Variants in LAMA2 observed in about 807,000 individuals in gnomAD.
The protein encoded by LAMA2 is laminin subunit alpha 2.
In LAMA2, 269 loss-of-function variants were observed where a neutral mutation model predicts 364.8. That is an observed-to-expected ratio of 0.74 (90% CI 0.67 to 0.82). LAMA2 has a LOEUF of 0.82. LAMA2 is among the 40% of genes least tolerant of loss of function. The probability of loss-of-function intolerance (pLI) is 0.00; values close to 1 mark genes in which losing one functional copy is unlikely to be tolerated. For missense variants in LAMA2, 3,807 were observed against 3,873.2 expected (o/e 0.98, Z 0.45); for synonymous variants, 1,379 against 1,370.6 (o/e 1.01, Z -0.14).
At chr6:128,911,807 TG>T (rs1457321633) in intron 1 of LAMA2, among the ~76,000 whole-genome samples, 3 of 152,224 alleles carry the variant, frequency 2.0e-5, no homozygotes, top group African/African-American at 7.2e-5. Context: ...AGGCCCTCAC[TG>T]TTTTTTTGCT....
At chr6:129,320,783 G>C in intron 28 of LAMA2, 128 bp downstream of exon 28, 1 of 697,542 alleles carries the variant, frequency 1.4e-6, no homozygotes, top group Non-Finnish European at 2.6e-6. Context: ...CTCACAGTGT[G>C]AGACACAGTG....
intron 42 of LAMA2, among the ~76,000 whole-genome samples, chr6:129,439,419 A>G (rs937513020): frequency 6.6e-6 from 1 of 152,094 alleles, no homozygotes; most frequent in African/African-American, 2.4e-5. Flanking sequence ...TTAGTGAAAT[A>G]GAATAAATCA....
chr6:128,960,832 C>G (rs1420793182), intron 1 of LAMA2, among the ~76,000 whole-genome samples: 6 of 151,530 alleles, frequency 4.0e-5, no homozygotes, highest in Non-Finnish European at 8.8e-5. Flanking sequence ...TTGTGCATGC[C>G]ATATGTTTTG....
chr6:129,226,764 A>AT (rs1281057983), intron 12 of LAMA2, among the ~76,000 whole-genome samples: 2 of 151,644 alleles, frequency 1.3e-5, no homozygotes, highest in Admixed American at 1.3e-4. Flanking sequence ...TGCCCTTAAC[A>AT]TTTTTTCCTT....
chr6:129,456,619 GA>G (rs1308716052), intron 48 of LAMA2, 125 bp downstream of exon 48: 1 of 907,214 alleles, frequency 1.1e-6, no homozygotes, highest in African/African-American at 1.6e-5. Context: ...TTGCATTTAT[GA>G]AAACATGAAT....
rs1554208701 is a variant in LAMA2, at chr6:129,059,779, AAT to A, written c.284-3_284-2del. ...TCCTTTCATATGATGCTGCTAACTC[AAT>A]AGAGAGACACCCGATTACAAATGCT... On this transcript the variant is annotated splice_polypyrimidine_tract_variant and splice_region_variant and intron_variant, in intron 2 of 64. Transcript: ENST00000421865. 1 of 1,551,652 alleles carries A rather than the reference AAT, an allele frequency of 6.4e-7. No homozygotes were observed. Among genetic ancestry groups the A allele is most frequent in the Admixed American group, 1.7e-5 (1 of 59,944 alleles).
intron 1 of LAMA2, among the ~76,000 whole-genome samples, chr6:128,987,925 AG>A (rs1447731518): frequency 6.6e-6 from 1 of 152,170 alleles, no homozygotes; most frequent in Non-Finnish European, 1.5e-5. Flanking sequence ...ACCAGGCTGG[AG>A]TGCAGTGGCG....
chr6:128,908,391 C>A (rs1407519361), intron 1 of LAMA2, among the ~76,000 whole-genome samples: 3 of 150,096 alleles, frequency 2.0e-5, no homozygotes, highest in South Asian at 2.1e-4. Context: ...GGAATTTATC[C>A]ATTTCTTCTA....
chr6:129,462,403 T>C (rs1379216433), intron 49 of LAMA2, among the ~76,000 whole-genome samples: 2 of 151,916 alleles, frequency 1.3e-5, no homozygotes, highest in African/African-American at 2.4e-5. Context: ...AGCCAAGCAC[T>C]CTATCTCGGA....
At chr6:129,510,717 C>T (rs1032745571) in intron 62 of LAMA2, among the ~76,000 whole-genome samples, 6 of 151,964 alleles carry the variant, frequency 3.9e-5, no homozygotes, top group Non-Finnish European at 7.4e-5. Flanking sequence ...TATCAGGAAA[C>T]GTTTCATGGA....
At chr6:129,288,368 A>G (rs1789432198) in intron 19 of LAMA2, among the ~76,000 whole-genome samples, 1 of 152,158 alleles carries the variant, frequency 6.6e-6, no homozygotes, top group Admixed American at 6.5e-5. Context: ...GAATTTGCAT[A>G]TTAGATAGAC....
chr6:129,222,465 T>C (rs1783923670), intron 12 of LAMA2, among the ~76,000 whole-genome samples: 1 of 151,074 alleles, frequency 6.6e-6, no homozygotes, highest in African/African-American at 2.4e-5. Flanking sequence ...TTACGTTAGG[T>C]ATATCTCCTA....
intron 1 of LAMA2, among the ~76,000 whole-genome samples, chr6:128,965,979 G>GTTTTTT (rs11342050): frequency 0.011 from 1,235 of 112,750 alleles, 71 homozygotes; most frequent in African/African-American, 0.039. Flanking sequence ...TAAACCAGAG[G>GTTTTTT]TTTTTTTTTT....
At chr6:128,894,088 A>C (rs1776627690) in intron 1 of LAMA2, among the ~76,000 whole-genome samples, 1 of 152,148 alleles carries the variant, frequency 6.6e-6, no homozygotes, top group African/African-American at 2.4e-5. Context: ...AAACTCAGTA[A>C]GTGGTAGTTT....
At chr6:129,331,300 T>C (rs1328135053) in intron 29 of LAMA2, among the ~76,000 whole-genome samples, 1 of 152,140 alleles carries the variant, frequency 6.6e-6, no homozygotes, top group Non-Finnish European at 1.5e-5. Flanking sequence ...ATGCCACTTT[T>C]CTCTCATCCT....
At chr6:129,353,134 C>T (rs372459771) in intron 31 of LAMA2, 30 bp from the exon 32 acceptor site, 1 of 1,578,360 alleles carries the variant, frequency 6.3e-7, no homozygotes, top group African/African-American at 1.3e-5. Context: ...TGCTATTAAC[C>T]TCTTTTGCTT....
chr6:129,357,909 C>G (rs957037908), intron 32 of LAMA2, among the ~76,000 whole-genome samples: 1 of 151,952 alleles, frequency 6.6e-6, no homozygotes, highest in African/African-American at 2.4e-5. Flanking sequence ...ACTTACTATT[C>G]TGAAAAATGA....
intron 8 of LAMA2, among the ~76,000 whole-genome samples, chr6:129,157,057 C>T (rs1047826546): frequency 3.3e-5 from 5 of 152,152 alleles, no homozygotes; most frequent in African/African-American, 1.2e-4. Context: ...GTATCCCAAA[C>T]ACATCATCAT....
Position 129,503,121 on chromosome 6 carries a change from A to C in LAMA2, c.8388A>C (p.Glu2796Asp), listed in dbSNP as rs184127828. 1.1e-4 allele frequency: 180 copies of C among 1,614,196 alleles called. 2 individuals carry two copies. The East Asian group carries it at 3.9e-3, about 35-fold the overall frequency. The change falls in exon 60 of 65, where the codon GAA becomes GAC. Residue 2796 changes from glutamate to aspartate, a missense_variant. Transcript: ENST00000421865. ...RLTIELEVRT[E>D]AESGLLFYMA... ...CAATTGAGTTGGAAGTAAGAACCGA[A>C]GCTGAATCCGGCTTGCTTTTTTACA...
Sources: allele counts gnomAD v4.1 joint callset (sites outside exome capture counted in the v4.1 genomes callset), GRCh38; gene constraint gnomAD v4.1.1; transcripts MANE v1.5; gene names NCBI Gene and HGNC (gene_info 2026-07-23, HGNC 2026-07-21).